Variants in PBX1 observed in about 807,000 individuals in gnomAD.
The protein encoded by PBX1 is pre-B-cell leukemia transcription factor 1.
PBX1 carries 6 observed loss-of-function variants against 53.4 expected under a neutral mutation model. That is an observed-to-expected ratio of 0.11 (90% CI 0.06 to 0.22). The LOEUF (loss-of-function observed/expected upper bound fraction) is 0.22, where lower values mean the gene tolerates loss of function less well. PBX1 is among the 10% of genes least tolerant of loss of function. The probability of loss-of-function intolerance (pLI) is 1.00; values close to 1 mark genes in which losing one functional copy is unlikely to be tolerated. For missense variants in PBX1, 251 were observed against 551.4 expected (o/e 0.46, Z 5.46); for synonymous variants, 204 against 212.3 (o/e 0.96, Z 0.34).
chr1:164,803,296 A>G, intron 4 of PBX1, among the ~76,000 whole-genome samples: 1 of 152,236 alleles, frequency 6.6e-6, no homozygotes, highest in Non-Finnish European at 1.5e-5. Flanking sequence ...CAGTTCATTC[A>G]TCTACCTACT....
chr1:164,663,373 G>T (rs1660625966), intron 2 of PBX1, among the ~76,000 whole-genome samples: 1 of 151,504 alleles, frequency 6.6e-6, no homozygotes. Context: ...TTTATTTAGA[G>T]ATTTGGTCAG....
Position 164,613,453 on chromosome 1 carries a change from C to T in PBX1, c.265+50142C>T, listed in dbSNP as rs181842459. On this transcript the variant is annotated intron_variant, in intron 2 of 8. Coordinates refer to ENST00000420696, the MANE Select transcript of PBX1 (RefSeq NM_002585.4). The stretch of plus-strand genomic sequence containing the variant: ...CCACGCTACCTGGCAAACTGTTTTT[C>T]CTCCTTCAGGAATCAGCTGAAGTAT... Among the ~76,000 whole-genome samples the T allele has an allele frequency of 5.3e-4, 80 of 152,274 alleles. 1 individual carries two copies. Among genetic ancestry groups the T allele is most frequent in the Admixed American group, 4.6e-3 (71 of 15,298 alleles).
intron 2 of PBX1, among the ~76,000 whole-genome samples, chr1:164,566,487 A>ATT (rs1653441213): frequency 6.6e-6 from 1 of 152,178 alleles, no homozygotes; most frequent in Non-Finnish European, 1.5e-5. Flanking sequence ...AGAGACAATT[A>ATT]GAGTTTTGGA....
chr1:164,764,334 G>A (rs1000152005), intron 2 of PBX1, among the ~76,000 whole-genome samples: 1 of 152,146 alleles, frequency 6.6e-6, no homozygotes, highest in African/African-American at 2.4e-5. Context: ...ATATGTTCAC[G>A]ACAGGAAGGA....
chr1:164,748,042 T>C (rs1665991361), intron 2 of PBX1, among the ~76,000 whole-genome samples: 1 of 152,132 alleles, frequency 6.6e-6, no homozygotes, highest in Admixed American at 6.5e-5. Flanking sequence ...GTTTAGCCAT[T>C]GTGATAAACA....
chr1:164,645,360 G>C (rs761705179), intron 2 of PBX1, among the ~76,000 whole-genome samples: 21 of 152,072 alleles, frequency 1.4e-4, no homozygotes, highest in Non-Finnish European at 2.8e-4. Context: ...CTTGCTCTCT[G>C]GTCCTTCTGT....
chr1:164,693,265 A>C (rs1418758246), intron 2 of PBX1, among the ~76,000 whole-genome samples: 2 of 152,252 alleles, frequency 1.3e-5, no homozygotes, highest in East Asian at 3.9e-4. Context: ...AGTGTGAAGC[A>C]GATGGCCTTT....
At chr1:164,807,818 C>A in intron 5 of PBX1, 141 bp downstream of exon 5, 1 of 964,498 alleles carries the variant, frequency 1.0e-6, no homozygotes, top group Non-Finnish European at 1.5e-6. Flanking sequence ...AAGGTAAGCA[C>A]TTGATGTGTA....
chr1:164,831,053 A>T (rs575240134), intron 8 of PBX1, among the ~76,000 whole-genome samples: 7 of 152,310 alleles, frequency 4.6e-5, no homozygotes, highest in Non-Finnish European at 7.4e-5. Flanking sequence ...CATTTTATTT[A>T]AAAAATTTTC....
intron 2 of PBX1, among the ~76,000 whole-genome samples, chr1:164,600,128 A>G (rs1185396751): frequency 7.6e-6 from 1 of 131,378 alleles, no homozygotes; most frequent in East Asian, 2.7e-4. Flanking sequence ...GAGTATAATT[A>G]TGGGAAAATT....
intron 1 of PBX1, 34 bp downstream of exon 1, chr1:164,560,047 GTT>G: frequency 7.6e-7 from 1 of 1,314,492 alleles, no homozygotes; most frequent in Non-Finnish European, 9.8e-7. Flanking sequence ...CTTTCTTGGG[GTT>G]TTTTGTTTTT....
chr1:164,750,145 G>GGGGTGT (rs1666120623), intron 2 of PBX1, among the ~76,000 whole-genome samples: 3 of 140,806 alleles, frequency 2.1e-5, no homozygotes, highest in South Asian at 4.7e-4. Flanking sequence ...GGGGCTAGTT[G>GGGGTGT]GTGTGTGTGT....
intron 2 of PBX1, among the ~76,000 whole-genome samples, chr1:164,881,361 G>T (rs868048041): frequency 1.5e-5 from 1 of 68,250 alleles, no homozygotes; most frequent in Non-Finnish European, 3.3e-5. Flanking sequence ...AGGAAGGAAG[G>T]AGGAAAAGAA....
intron 2 of PBX1, among the ~76,000 whole-genome samples, chr1:164,652,682 A>G (rs1023926120): frequency 6.6e-6 from 1 of 152,150 alleles, no homozygotes. Flanking sequence ...TAAGCTTGTG[A>G]ATTTTAAAAC....
intron 2 of PBX1, among the ~76,000 whole-genome samples, chr1:164,691,404 G>C (rs1261236490): frequency 6.6e-6 from 1 of 152,158 alleles, no homozygotes; most frequent in East Asian, 1.9e-4. Context: ...TCACACTAGA[G>C]TACTGTGGGC....
downstream of PBX1, among the ~76,000 whole-genome samples, chr1:164,853,934 TA>T (rs1306540411): frequency 3.0e-5 from 4 of 133,948 alleles, no homozygotes; most frequent in Non-Finnish European, 4.7e-5. Flanking sequence ...TATTTTTATT[TA>T]TTTTATTTTT....
intron 2 of PBX1, among the ~76,000 whole-genome samples, chr1:164,748,321 G>C (rs1666012426): frequency 6.6e-6 from 1 of 152,104 alleles, no homozygotes; most frequent in Non-Finnish European, 1.5e-5. Context: ...TTTCCTGCTG[G>C]CTTCTAGAAG....
chr1:164,763,366 G>A (rs1176545566), intron 2 of PBX1, among the ~76,000 whole-genome samples: 7 of 152,322 alleles, frequency 4.6e-5, no homozygotes, highest in South Asian at 2.1e-4. Flanking sequence ...GGAGGAAGGG[G>A]CAGAGAATAA....
rs564676795 is a variant in PBX1, at chr1:164,827,708, A to G, written c.1200+6082A>G. 1.2e-4 allele frequency among the ~76,000 whole-genome samples: 18 copies of G among 152,348 alleles called. No individual in the cohort carries two copies. In the South Asian group the frequency reaches 2.7e-3, roughly 23 times the overall value. On this transcript the variant is annotated intron_variant, in intron 8 of 8. Coordinates refer to ENST00000420696, the MANE Select transcript of PBX1 (RefSeq NM_002585.4). ...AAATATCCCAGTAATGTGATTTCATATGCAATCCAATGTTTTTCCCCAGCT... is the reference window on the plus strand; with the variant it reads ...AAATATCCCAGTAATGTGATTTCATGTGCAATCCAATGTTTTTCCCCAGCT...
Sources: allele counts gnomAD v4.1 joint callset (sites outside exome capture counted in the v4.1 genomes callset), GRCh38; gene constraint gnomAD v4.1.1; transcripts MANE v1.5; gene names NCBI Gene and HGNC (gene_info 2026-07-23, HGNC 2026-07-21).